Variants in BOLL observed in about 807,000 individuals in gnomAD.
BOLL encodes protein boule-like.
Under a neutral mutation model 44.4 loss-of-function variants are expected in BOLL, and 23 were observed. The ratio of observed to expected loss-of-function variants is 0.52; its 90% CI spans 0.37 to 0.73. The LOEUF is 0.73. BOLL is among the 30% of genes least tolerant of loss of function. The pLI is 0.00. For missense variants in BOLL, 287 were observed against 338.3 expected (o/e 0.85, Z 1.19); for synonymous variants, 97 against 110.8 (o/e 0.88, Z 0.78).
chr2:197,748,052 T>C (rs965501433), intron 9 of BOLL, among the ~76,000 whole-genome samples: 1 of 152,144 alleles, frequency 6.6e-6, no homozygotes, highest in Non-Finnish European at 1.5e-5. Context: ...GGTACCCAGC[T>C]CATCTCACTG....
intron 6 of BOLL, among the ~76,000 whole-genome samples, chr2:197,769,877 C>T (rs559950422): frequency 1.5e-4 from 23 of 152,222 alleles, no homozygotes; most frequent in African/African-American, 5.1e-4. Context: ...GAGAACATTC[C>T]GTGCTCATGG....
chr2:197,730,821 C>A (rs1687128642), intron 10 of BOLL, among the ~76,000 whole-genome samples: 1 of 152,074 alleles, frequency 6.6e-6, no homozygotes, highest in African/African-American at 2.4e-5. Flanking sequence ...AAGCACTAAA[C>A]ATGGAAAGGA....
intron 5 of BOLL, chr2:197,774,043 C>T (rs755946607): frequency 2.2e-6 from 1 of 462,776 alleles, no homozygotes; most frequent in South Asian, 1.6e-5. Flanking sequence ...TGGAGTCAAA[C>T]AGTCCTGCAT....
upstream of BOLL, chr2:197,785,899 CCCCT>C: frequency 8.5e-7 from 1 of 1,177,642 alleles, no homozygotes; most frequent in South Asian, 1.2e-5. This position sits in a 1 kb window ranked among gnomAD's most constrained non-coding sequence, Gnocchi z 6.7. Flanking sequence ...CTTCACCTCG[CCCCT>C]CCAAGCCCTC....
Position 197,763,258 on chromosome 2 carries a change from A to G in BOLL, c.552+3274T>C, listed in dbSNP as rs1277046865. Among the ~76,000 whole-genome samples, 4 of 152,178 alleles carry G rather than the reference A, an allele frequency of 2.6e-5. No individual in the cohort carries two copies. The East Asian group carries it at 7.7e-4, about 29-fold the overall frequency. On this transcript the variant is annotated intron_variant, in intron 7 of 10. Coordinates refer to ENST00000392296, the MANE Select transcript of BOLL (RefSeq NM_033030.6). ...AGCACTTTGGGAGGCCGAGGCGGGC[A>G]GATCACGAGGTCAGGAGATCGAGAC...
In BOLL at chr2:197,730,880, C is replaced by T. The variant is rs972284089; in HGVS notation, c.829-2302G>A. Among the ~76,000 whole-genome samples the T allele has an allele frequency of 2.5e-3, 377 of 152,052 alleles. 2 individuals are homozygous for T. The highest frequency in any genetic ancestry group is 7.9e-3 in the African/African-American group (327 of 41,446). On this transcript the variant is annotated intron_variant, in intron 10 of 10. Coordinates refer to ENST00000392296, the MANE Select transcript of BOLL (RefSeq NM_033030.6). ...AATCATGCCAAAATGTAAAGACCAT[C>T]GAGACTAGGAAGAAACTGCATCAAC...
chr2:197,751,838 CA>C (rs537934386), intron 9 of BOLL, among the ~76,000 whole-genome samples: 292 of 134,216 alleles, frequency 2.2e-3, no homozygotes, highest in African/African-American at 4.3e-3. Context: ...CAGAAACCAA[CA>C]AAAAAAAAAA....
intron 9 of BOLL, among the ~76,000 whole-genome samples, chr2:197,754,522 A>T (rs1053841639): frequency 6.6e-6 from 1 of 152,154 alleles, no homozygotes; most frequent in Non-Finnish European, 1.5e-5. Context: ...ATCCTGGCCA[A>T]CACGGTGAAA....
At chr2:197,782,737 G>A (rs1166743929) in intron 1 of BOLL, among the ~76,000 whole-genome samples, 3 of 152,058 alleles carry the variant, frequency 2.0e-5, no homozygotes, top group African/African-American at 4.8e-5. Context: ...AATGGTCATC[G>A]ACAAGTTAAT....
chr2:197,759,032 G>A (rs1263349289), intron 7 of BOLL: 1 of 1,523,436 alleles, frequency 6.6e-7, no homozygotes, highest in African/African-American at 1.4e-5. Context: ...GAGGCATGAT[G>A]TCAGCAAGAT....
rs187292040 is a variant in BOLL at position 197,759,011 on chromosome 2, G to T, written c.553-1611C>A. 8.2e-5 allele frequency: 126 copies of T among 1,534,694 alleles called. No individual in the cohort carries two copies. The South Asian group carries it at 1.4e-3, about 17-fold the overall frequency. ...TTGTATGACATTGTTTAATTCCCTC[G>T]TAAAAAAAGAGAGGCATGATGTCAG... is the stretch of plus-strand genomic sequence containing the variant. On this transcript the variant is annotated intron_variant, in intron 7 of 10. Transcript: ENST00000392296.
intron 7 of BOLL, among the ~76,000 whole-genome samples, chr2:197,765,656 C>CT (rs757254837): frequency 7.0e-4 from 106 of 151,586 alleles, no homozygotes; most frequent in Non-Finnish European, 1.3e-3. Context: ...TTAACTATCT[C>CT]TTTTTTATTT....
intron 7 of BOLL, among the ~76,000 whole-genome samples, chr2:197,761,743 G>C (rs1269124570): frequency 2.0e-5 from 3 of 152,164 alleles, no homozygotes; most frequent in African/African-American, 7.2e-5. Flanking sequence ...TAGGCTGAAA[G>C]TGAAGGGATG....
chr2:197,757,141 T>C (rs1471076817), intron 8 of BOLL, among the ~76,000 whole-genome samples: 2 of 152,168 alleles, frequency 1.3e-5, no homozygotes, highest in Non-Finnish European at 2.9e-5. Context: ...TATCATTTGA[T>C]ATTCACAAAA....
At chr2:197,745,235 CT>C (rs200244645) in intron 9 of BOLL, among the ~76,000 whole-genome samples, 10 of 148,816 alleles carry the variant, frequency 6.7e-5, no homozygotes, top group Non-Finnish European at 1.0e-4. Flanking sequence ...AAGACGGTCA[CT>C]TTTTTTTTTA....
At chr2:197,744,079 G>C (rs1687884749) in intron 9 of BOLL, among the ~76,000 whole-genome samples, 1 of 152,196 alleles carries the variant, frequency 6.6e-6, no homozygotes, top group Non-Finnish European at 1.5e-5. Context: ...AAAATGCTGG[G>C]ATTACAGGCG....
At chr2:197,757,279 T>C (rs1201004209) in intron 8 of BOLL, 74 bp downstream of exon 8, 1 of 1,306,734 alleles carries the variant, frequency 7.7e-7, no homozygotes, top group Admixed American at 2.2e-5. Context: ...TAAAAAACTT[T>C]AGTATTCATG....
At position 197,775,731 on chromosome 2, in the gene BOLL, G is replaced by T; in HGVS notation, c.286C>A (p.Leu96Ile). The T allele has an allele frequency of 6.6e-7, 1 of 1,521,484 alleles. No homozygotes were observed. The highest frequency in any genetic ancestry group is 1.3e-5 in the South Asian group (1 of 76,056). The allele number at this position is 1,521,484 out of a possible 1,614,324, so 94.2% of individuals were successfully genotyped here. The change falls in exon 5 of 11, where the codon CTT becomes ATT. Residue 96 changes from leucine to isoleucine, a missense_variant. Coordinates refer to ENST00000392296, the MANE Select transcript of BOLL (RefSeq NM_033030.6). ...AQKILQEAEK[L>I]NYKDKKLNIG... ...TTCAGCTTCTTATCCTTATAATTAA[G>T]TTTTTCAGCCTAAAATAAAGAAAAA...
intron 10 of BOLL, among the ~76,000 whole-genome samples, chr2:197,739,687 C>G (rs1376526392): frequency 6.6e-6 from 1 of 152,106 alleles, no homozygotes; most frequent in African/African-American, 2.4e-5. Flanking sequence ...TGTACAATTT[C>G]TGATGTTACC....
Sources: gnomAD v4.1 joint callset for allele counts (sites outside exome capture counted in the v4.1 genomes callset) on GRCh38, gnomAD v4.1.1 for gene constraint, Gnocchi (gnomAD v3.1) non-coding constraint, MANE v1.5 for transcripts, NCBI Gene and HGNC (gene_info 2026-07-23, HGNC 2026-07-21) for gene names.